Variants in KCNIP4 observed in about 807,000 individuals in gnomAD.
The protein encoded by KCNIP4 is Kv channel-interacting protein 4.
A neutral mutation model predicts 34.0 loss-of-function variants in KCNIP4; 12 were observed. The observed-to-expected ratio is 0.35, with a 90% CI of 0.23 to 0.57. The LOEUF is 0.57. KCNIP4 is among the 20% of genes least tolerant of loss of function. The probability of loss-of-function intolerance (pLI) is 0.83; values close to 1 mark genes in which losing one functional copy is unlikely to be tolerated. For missense variants in KCNIP4, 238 were observed against 311.7 expected (o/e 0.76, Z 1.78); for synonymous variants, 124 against 102.2 (o/e 1.21, Z -1.29).
chr4:20,989,086 A>G (rs1414428042), intron 1 of KCNIP4, among the ~76,000 whole-genome samples: 2 of 152,214 alleles, frequency 1.3e-5, no homozygotes, highest in East Asian at 3.9e-4. Flanking sequence ...GGATGATTAT[A>G]TAAGTCCCCA....
At chr4:21,051,459 T>C (rs1029777568) in intron 1 of KCNIP4, among the ~76,000 whole-genome samples, 3 of 152,212 alleles carry the variant, frequency 2.0e-5, no homozygotes, top group African/African-American at 7.2e-5. Context: ...ATTACATGTT[T>C]TACTTGCCAC....
At chr4:21,439,889 C>A (rs562549102) in intron 1 of KCNIP4, among the ~76,000 whole-genome samples, 23 of 152,290 alleles carry the variant, frequency 1.5e-4, no homozygotes, top group African/African-American at 5.5e-4. Context: ...GAGGAAGCAC[C>A]TATCAGTAGA....
chr4:21,856,156 T>C (rs1474137973), intron 1 of KCNIP4, among the ~76,000 whole-genome samples: 1 of 152,186 alleles, frequency 6.6e-6, no homozygotes, highest in Non-Finnish European at 1.5e-5. Context: ...TCATTTATCA[T>C]GGTGCTGATA....
At chr4:21,337,145 G>A (rs1716256894) in intron 1 of KCNIP4, among the ~76,000 whole-genome samples, 1 of 152,270 alleles carries the variant, frequency 6.6e-6, no homozygotes, top group South Asian at 2.1e-4. Flanking sequence ...AGGGAGAAGG[G>A]TGTGGCTGGA....
At chr4:20,830,546 A>G (rs73802351) in intron 3 of KCNIP4, among the ~76,000 whole-genome samples, 1,874 of 152,294 alleles carry the variant, frequency 0.012, 52 homozygotes, top group African/African-American at 0.043. Context: ...AGTTTCTGTT[A>G]TAATTCTGTC....
At chr4:21,557,809 G>A (rs1739196538) in intron 1 of KCNIP4, among the ~76,000 whole-genome samples, 2 of 152,152 alleles carry the variant, frequency 1.3e-5, no homozygotes, top group African/African-American at 2.4e-5. Flanking sequence ...CTGGCACTGG[G>A]ATTTCCATTT....
chr4:20,883,866 A>G (rs1724988040), intron 1 of KCNIP4, among the ~76,000 whole-genome samples: 1 of 152,224 alleles, frequency 6.6e-6, no homozygotes, highest in Non-Finnish European at 1.5e-5. Context: ...AAATAAGATC[A>G]TTCCTCTGAT....
At chr4:21,207,278 T>A (rs1476840267) in intron 1 of KCNIP4, among the ~76,000 whole-genome samples, 1 of 152,128 alleles carries the variant, frequency 6.6e-6, no homozygotes, top group South Asian at 2.1e-4. Context: ...AAAGGAGAAA[T>A]GGCAGAAGAG....
At chr4:21,112,433 G>A (rs1014316167) in intron 1 of KCNIP4, among the ~76,000 whole-genome samples, 4 of 152,272 alleles carry the variant, frequency 2.6e-5, no homozygotes, top group African/African-American at 9.6e-5. Flanking sequence ...AAAAATCGGA[G>A]GTCCAGACCT....
In KCNIP4 at chr4:20,818,920, C is replaced by CTTTTTT. The variant is rs11382765; in HGVS notation, c.288+31617_288+31622dup. 4.1e-4 allele frequency among the ~76,000 whole-genome samples: 43 copies of CTTTTTT among 104,934 alleles called. 4 individuals are homozygous for CTTTTTT. The highest frequency in any genetic ancestry group is 1.0e-3 in the African/African-American group (27 of 26,250). 68.8% of individuals were successfully genotyped at this position (104,934 alleles called of 152,430 possible). ...GCTAGTCATTCTATATATATTATCTCTTTTTTTTTTTTTTTTTTTTTTGAG... is the reference window on the plus strand; with the variant it reads ...GCTAGTCATTCTATATATATTATCTCTTTTTTTTTTTTTTTTTTTTTTTTTTTTGAG... On this transcript the variant is annotated intron_variant, in intron 3 of 8. Transcript: ENST00000382152.
At chr4:21,896,442 G>A (rs962427004) in intron 1 of KCNIP4, among the ~76,000 whole-genome samples, 1 of 152,128 alleles carries the variant, frequency 6.6e-6, no homozygotes. Flanking sequence ...CGAAGCTGGG[G>A]TAGAAGGTAT....
chr4:21,153,085 T>C (rs1752876244), intron 1 of KCNIP4, among the ~76,000 whole-genome samples: 1 of 152,168 alleles, frequency 6.6e-6, no homozygotes, highest in African/African-American at 2.4e-5. Flanking sequence ...ACAAACAATA[T>C]CCTAATTAAC....
At chr4:21,746,453 G>A (rs948178648) in intron 1 of KCNIP4, among the ~76,000 whole-genome samples, 3 of 152,024 alleles carry the variant, frequency 2.0e-5, no homozygotes, top group Admixed American at 6.6e-5. Context: ...ATCCTGGCAA[G>A]GTTTCAGTTC....
chr4:21,058,906 T>C (rs1183957164), intron 1 of KCNIP4, among the ~76,000 whole-genome samples: 1 of 152,120 alleles, frequency 6.6e-6, no homozygotes, highest in East Asian at 1.9e-4. Flanking sequence ...CATCTTGAAT[T>C]GTAGCTCCCA....
At chr4:21,612,602 C>T (rs1744241718) in intron 1 of KCNIP4, among the ~76,000 whole-genome samples, 1 of 152,180 alleles carries the variant, frequency 6.6e-6, no homozygotes, top group Admixed American at 6.5e-5. Context: ...CATTGGCATA[C>T]TCTACATTGG....
intron 1 of KCNIP4, among the ~76,000 whole-genome samples, chr4:21,837,079 G>A (rs767443500): frequency 3.2e-4 from 48 of 150,812 alleles, no homozygotes; most frequent in African/African-American, 1.1e-3. Context: ...CACCACGCCT[G>A]GCTAATTTTT....
At position 21,272,092 on chromosome 4, in the gene KCNIP4, T is replaced by G. The variant is rs1256417700; in HGVS notation, c.62-389383A>C. Among the ~76,000 whole-genome samples the G allele has an allele frequency of 3.9e-5, 6 of 152,218 alleles. No individual in the cohort carries two copies. The East Asian group carries it at 1.2e-3, about 29-fold the overall frequency. On this transcript the variant is annotated intron_variant, in intron 1 of 8. Transcript: ENST00000382152. ...TAGCAGTTTATTTCGTGCAGTTTTA[T>G]AGTGGTCAGGCACATGGACTCAAAG...
At chr4:21,558,582 T>C (rs1050796847) in intron 1 of KCNIP4, among the ~76,000 whole-genome samples, 4 of 152,022 alleles carry the variant, frequency 2.6e-5, no homozygotes, top group South Asian at 2.1e-4. Context: ...CCAAAAGAAA[T>C]TGAAATTATA....
At chr4:21,651,599 T>G (rs1472858308) in intron 1 of KCNIP4, among the ~76,000 whole-genome samples, 2 of 152,206 alleles carry the variant, frequency 1.3e-5, no homozygotes, top group East Asian at 3.9e-4. Context: ...TTATGAAATA[T>G]GATGAATGCT....
Sources: allele counts gnomAD v4.1 joint callset (sites outside exome capture counted in the v4.1 genomes callset), GRCh38; gene constraint gnomAD v4.1.1; transcripts MANE v1.5; gene names NCBI Gene and HGNC (gene_info 2026-07-23, HGNC 2026-07-21).